The following BBS9 variants were observed in gnomAD, a reference collection of about 807,000 sequenced individuals.
The protein encoded by BBS9 is Bardet-Biedl syndrome 9.
In BBS9, 89 loss-of-function variants were observed where a neutral mutation model predicts 117.7. The observed-to-expected ratio is 0.76, with a 90% CI of 0.64 to 0.90. The LOEUF (loss-of-function observed/expected upper bound fraction) is 0.90, where lower values mean the gene tolerates loss of function less well. Ranked by LOEUF, BBS9 falls within the 40% of genes least tolerant of loss-of-function variation. The probability of loss-of-function intolerance (pLI) is 0.00; values close to 1 mark genes in which losing one functional copy is unlikely to be tolerated. For missense variants in BBS9, 982 were observed against 1,042.2 expected (o/e 0.94, Z 0.80); for synonymous variants, 379 against 370.9 (o/e 1.02, Z -0.25).
At chr7:33,538,118 C>G (rs1851746592) in intron 21 of BBS9, among the ~76,000 whole-genome samples, 1 of 152,172 alleles carries the variant, frequency 6.6e-6, no homozygotes, top group African/African-American at 2.4e-5. Context: ...TGAACATTCT[C>G]TTAATGTGAT....
chr7:33,177,970 A>T (rs1279511713), intron 5 of BBS9: 2 of 203,988 alleles, frequency 9.8e-6, no homozygotes, highest in Non-Finnish European at 2.0e-5. Flanking sequence ...TTTATATATA[A>T]GCTGACTGAA....
At chr7:33,278,315 G>A (rs545447374) in intron 9 of BBS9, among the ~76,000 whole-genome samples, 1 of 152,206 alleles carries the variant, frequency 6.6e-6, no homozygotes, top group Non-Finnish European at 1.5e-5. Flanking sequence ...GGTAAGAGGA[G>A]TGGAACTGCT....
chr7:33,212,925 G>A (rs563044731), intron 5 of BBS9, among the ~76,000 whole-genome samples: 5 of 152,278 alleles, frequency 3.3e-5, no homozygotes, highest in East Asian at 3.9e-4. Flanking sequence ...AAGCAGTCTT[G>A]TGGCCACCAA....
chr7:33,524,490 G>A (rs1849157032), intron 20 of BBS9, among the ~76,000 whole-genome samples: 1 of 152,176 alleles, frequency 6.6e-6, no homozygotes, highest in Non-Finnish European at 1.5e-5. Context: ...GGGTGTATGT[G>A]TCGAGGAATT....
intron 21 of BBS9, among the ~76,000 whole-genome samples, chr7:33,613,660 C>G (rs1425648612): frequency 6.6e-6 from 1 of 151,980 alleles, no homozygotes; most frequent in African/African-American, 2.4e-5. Flanking sequence ...AACAACCTCA[C>G]TATGTTTGCA....
At chr7:33,370,090 A>T (rs937738234) in intron 17 of BBS9, among the ~76,000 whole-genome samples, 2 of 152,186 alleles carry the variant, frequency 1.3e-5, no homozygotes, top group Non-Finnish European at 2.9e-5. Flanking sequence ...AACAAGAGAA[A>T]AGTAAGGTGT....
intron 5 of BBS9, among the ~76,000 whole-genome samples, chr7:33,185,294 C>G (rs1053775924): frequency 2.0e-5 from 3 of 152,070 alleles, no homozygotes; most frequent in African/African-American, 7.2e-5. Context: ...GTCTCAGCCT[C>G]ATTTTACCCA....
rs186361863 is a variant in BBS9 at position 33,447,337 on chromosome 7, A to C, written c.2116-58126A>C. On this transcript the variant is annotated intron_variant, in intron 19 of 22. Coordinates refer to ENST00000242067, the MANE Select transcript of BBS9 (RefSeq NM_198428.3). The stretch of plus-strand genomic sequence containing the variant: ...GGCACCTCTCAAAGAAATAGATGTC[A>C]GAGGAAGACAGTTTGGTTAGACCTA... 7.2e-5 allele frequency among the ~76,000 whole-genome samples: 11 copies of C among 152,370 alleles called. No individual in the cohort carries two copies. The East Asian group carries it at 1.9e-3, about 27-fold the overall frequency.
chr7:33,563,496 A>C (rs2252497), intron 21 of BBS9, among the ~76,000 whole-genome samples: 147,084 of 152,322 alleles, frequency 0.97, 71,052 homozygotes, highest in East Asian at 1. Flanking sequence ...GATCCGAAAT[A>C]AGGACATTTG....
Position 33,134,166 on chromosome 7 carries a change from C to T in BBS9, c.-12+4125C>T, listed in dbSNP as rs1164611387. On this transcript the variant is annotated intron_variant, in intron 1 of 22. Coordinates refer to ENST00000242067, the MANE Select transcript of BBS9 (RefSeq NM_198428.3). ...CCAGGTTCAAGCAATTCTCCTGCCT[C>T]AGCCTCCCAAGTAATTGGGCTTACA... is the stretch of plus-strand genomic sequence containing the variant. 2.0e-5 allele frequency among the ~76,000 whole-genome samples: 3 copies of T among 151,920 alleles called. No individual in the cohort carries two copies. The East Asian group carries it at 5.8e-4, about 29-fold the overall frequency.
chr7:33,369,970 C>T (rs1049289771), intron 17 of BBS9, among the ~76,000 whole-genome samples: 7 of 152,152 alleles, frequency 4.6e-5, no homozygotes, highest in Non-Finnish European at 8.8e-5. Flanking sequence ...TCTGTGGGTT[C>T]CGTGTATTCA....
chr7:33,564,590 T>G (rs1256532185), intron 21 of BBS9, among the ~76,000 whole-genome samples: 1 of 152,194 alleles, frequency 6.6e-6, no homozygotes, highest in Non-Finnish European at 1.5e-5. Flanking sequence ...ATTATTATAA[T>G]GGAAAGGTGA....
intron 17 of BBS9, among the ~76,000 whole-genome samples, chr7:33,373,167 C>T (rs1211053157): frequency 6.6e-6 from 1 of 151,928 alleles, no homozygotes; most frequent in Non-Finnish European, 1.5e-5. Context: ...TTTCTCTCTC[C>T]CTCTCAGACA....
chr7:33,344,243 G>T (rs1401683778), intron 11 of BBS9, among the ~76,000 whole-genome samples: 1 of 151,278 alleles, frequency 6.6e-6, no homozygotes, highest in Non-Finnish European at 1.5e-5. Flanking sequence ...CACCGGGCCC[G>T]GCTAATTTTT....
chr7:33,194,237 C>T (rs1784599805), intron 5 of BBS9, among the ~76,000 whole-genome samples: 1 of 152,064 alleles, frequency 6.6e-6, no homozygotes, highest in Non-Finnish European at 1.5e-5. Context: ...CTGGATTTGT[C>T]TTCCTATAAG....
chr7:33,615,149 G>A (rs1865065987), intron 21 of BBS9, among the ~76,000 whole-genome samples: 1 of 151,868 alleles, frequency 6.6e-6, no homozygotes, highest in Admixed American at 6.6e-5. Flanking sequence ...ATTACTAAAG[G>A]CTTGTTTACC....
At chr7:33,307,913 C>T (rs138067495) in intron 9 of BBS9, among the ~76,000 whole-genome samples, 272 of 152,078 alleles carry the variant, frequency 1.8e-3, no homozygotes, top group African/African-American at 6.3e-3. Context: ...GAAATGTTGT[C>T]ACTTTATACT....
intron 5 of BBS9, among the ~76,000 whole-genome samples, chr7:33,194,533 T>C (rs1382101749): frequency 3.3e-5 from 5 of 151,940 alleles, no homozygotes; most frequent in Non-Finnish European, 7.4e-5. Flanking sequence ...TCTTTAAAAC[T>C]AATCCCAATG....
At chr7:33,357,393 A>G (rs1819792276) in intron 15 of BBS9, among the ~76,000 whole-genome samples, 1 of 151,730 alleles carries the variant, frequency 6.6e-6, no homozygotes, top group Non-Finnish European at 1.5e-5. Flanking sequence ...AAAAAAAGCT[A>G]AAGATTTAAA....
Sources: allele counts gnomAD v4.1 joint callset (sites outside exome capture counted in the v4.1 genomes callset), GRCh38; gene constraint gnomAD v4.1.1; transcripts MANE v1.5; gene names NCBI Gene and HGNC (gene_info 2026-07-23, HGNC 2026-07-21).